MOB1B: variants seen among roughly 807,000 people sequenced by gnomAD.
The protein encoded by MOB1B is MOB1 Mps One Binder homolog B.
MOB1B carries 19 observed loss-of-function variants against 24.4 expected under a neutral mutation model. The observed-to-expected ratio is 0.78, with a 90% CI of 0.54 to 1.14. MOB1B has a LOEUF of 1.14. Ranked by LOEUF, MOB1B falls within the 50% of genes most tolerant of loss-of-function variation. The pLI, the probability that MOB1B is intolerant of heterozygous loss-of-function variation, is 0.00. For synonymous variants in MOB1B, 76 were observed against 82.1 expected (o/e 0.93, Z 0.40); for missense variants, 243 against 259.6 (o/e 0.94, Z 0.44).
rs193294378 is a variant in MOB1B, at chr4:70,988,110, A to T, written c.*6053A>T. ...AATTCTAGGTGTTTTTTTTTTTTTA[A>T]AGAAGAAACTCAATGTTTATAAGAA... On this transcript the variant is annotated 3_prime_UTR_variant, in exon 6 of 6. Transcript: ENST00000309395. 2 of 151,894 alleles carry T rather than the reference A, an allele frequency of 1.3e-5. No homozygotes were observed. The highest frequency in any genetic ancestry group is 2.9e-5 in the Non-Finnish European group (2 of 67,818). The allele number at this position is 151,894 out of a possible 1,614,324, so 9.4% of individuals were successfully genotyped here. A position where few individuals can be genotyped will look rare whatever the true frequency, so the allele number is the denominator to read the frequency against.
At chr4:70,942,819 G>T (rs1307741038) in intron 1 of MOB1B, 61 of 932,882 alleles carry the variant, frequency 6.5e-5, no homozygotes, top group Non-Finnish European at 7.2e-5. Flanking sequence ...TTTTTTGTCT[G>T]TAGAGAGAAG....
intron 1 of MOB1B, among the ~76,000 whole-genome samples, chr4:70,902,881 T>G (rs1163340482): frequency 6.6e-6 from 1 of 152,160 alleles, no homozygotes; most frequent in African/African-American, 2.4e-5. Flanking sequence ...GCGCTTCTCG[T>G]GGGTATCTCC....
chr4:70,978,622 T>C (rs1476349423), intron 4 of MOB1B, among the ~76,000 whole-genome samples: 1 of 152,216 alleles, frequency 6.6e-6, no homozygotes, highest in African/African-American at 2.4e-5. Flanking sequence ...AAAAGTGCTG[T>C]AATTTACAAA....
intron 1 of MOB1B, among the ~76,000 whole-genome samples, chr4:70,938,487 C>A (rs1010365106): frequency 1.1e-4 from 17 of 152,068 alleles, no homozygotes; most frequent in African/African-American, 3.9e-4. Context: ...TTGCCTGCAA[C>A]TATACCTGTG....
chr4:70,978,188 C>A (rs943107922), intron 4 of MOB1B, among the ~76,000 whole-genome samples: 1 of 152,144 alleles, frequency 6.6e-6, no homozygotes, highest in African/African-American at 2.4e-5. Context: ...CAATATTTTT[C>A]TTTTTGTGTC....
At chr4:70,957,990 A>G (rs937746394) in intron 1 of MOB1B, among the ~76,000 whole-genome samples, 1 of 151,922 alleles carries the variant, frequency 6.6e-6, no homozygotes, top group Non-Finnish European at 1.5e-5. Context: ...ATACACATAC[A>G]CATAGGCTGT....
At chr4:70,944,641 A>C (rs1014805210) in intron 1 of MOB1B, among the ~76,000 whole-genome samples, 1 of 152,180 alleles carries the variant, frequency 6.6e-6, no homozygotes, top group African/African-American at 2.4e-5. Context: ...TACAGGAAGC[A>C]TCGTGGCATC....
At chr4:70,972,008 CT>C (rs1253252504) in intron 3 of MOB1B, among the ~76,000 whole-genome samples, 57 of 143,564 alleles carry the variant, frequency 4.0e-4, no homozygotes, top group South Asian at 4.5e-4. Flanking sequence ...TCCTTTCTCC[CT>C]TTTTTTTTTT....
intron 1 of MOB1B, among the ~76,000 whole-genome samples, chr4:70,904,381 T>C (rs1735654507): frequency 6.6e-6 from 1 of 152,158 alleles, no homozygotes; most frequent in Non-Finnish European, 1.5e-5. Context: ...TTGATTGTTT[T>C]CAAGAATTTA....
chr4:70,937,801 C>T (rs1737145856), intron 1 of MOB1B, among the ~76,000 whole-genome samples: 1 of 152,192 alleles, frequency 6.6e-6, no homozygotes, highest in Non-Finnish European at 1.5e-5. Context: ...GCTGAGATTA[C>T]AGGCGTGAGC....
intron 1 of MOB1B, among the ~76,000 whole-genome samples, chr4:70,918,629 A>G (rs1736294292): frequency 1.3e-5 from 2 of 151,506 alleles, no homozygotes. Flanking sequence ...ATTTTCTCCC[A>G]TTTTGTAGGT....
intron 1 of MOB1B, among the ~76,000 whole-genome samples, chr4:70,929,714 T>C (rs1240587520): frequency 1.3e-5 from 2 of 151,734 alleles, no homozygotes; most frequent in African/African-American, 2.4e-5. Flanking sequence ...GGCGCGATCT[T>C]GGCTCACTGC....
chr4:70,972,829 A>G (rs1738814482), intron 3 of MOB1B, among the ~76,000 whole-genome samples: 1 of 152,158 alleles, frequency 6.6e-6, no homozygotes, highest in South Asian at 2.1e-4. Flanking sequence ...GCCGGAGTGC[A>G]GTGGCGCGAT....
chr4:70,905,687 A>G (rs1004316396), intron 1 of MOB1B, among the ~76,000 whole-genome samples: 1 of 152,164 alleles, frequency 6.6e-6, no homozygotes, highest in Non-Finnish European at 1.5e-5. Context: ...AATAAGGGCA[A>G]TGCAAGATGG....
chr4:70,957,744 C>T (rs967422258), intron 1 of MOB1B, among the ~76,000 whole-genome samples: 1 of 149,268 alleles, frequency 6.7e-6, no homozygotes, highest in Non-Finnish European at 1.5e-5. Flanking sequence ...ACACTCAGCT[C>T]CCTGCCTTAT....
chr4:70,949,203 T>C (rs1015513169), intron 1 of MOB1B, among the ~76,000 whole-genome samples: 1 of 152,204 alleles, frequency 6.6e-6, no homozygotes, highest in Non-Finnish European at 1.5e-5. Flanking sequence ...CAGATAGTGT[T>C]CTTTCTTTTT....
chr4:70,919,591 C>G lies in MOB1B; in HGVS notation c.14+17041C>G, dbSNP rs567128278. Among the ~76,000 whole-genome samples the G allele has an allele frequency of 5.3e-5, 8 of 152,150 alleles. No individual in the cohort carries two copies. The South Asian group carries it at 1.7e-3, about 32-fold the overall frequency. Reference sequence around the variant, plus strand: ...TCGGCTCACTGCAACCTCTGCCTCCCGGGTTCAAGTGACTCTCCTCCCTCA... The same window carrying G: ...TCGGCTCACTGCAACCTCTGCCTCCGGGGTTCAAGTGACTCTCCTCCCTCA... On this transcript the variant is annotated intron_variant, in intron 1 of 5. Transcript: ENST00000309395.
chr4:70,936,523 A>G (rs1737093717), intron 1 of MOB1B, among the ~76,000 whole-genome samples: 1 of 152,098 alleles, frequency 6.6e-6, no homozygotes, highest in Non-Finnish European at 1.5e-5. Context: ...ATCTTTTTGA[A>G]CAAACCTATG....
chr4:70,939,655 G>T (rs1243673818), intron 1 of MOB1B, among the ~76,000 whole-genome samples: 1 of 152,200 alleles, frequency 6.6e-6, no homozygotes, highest in African/African-American at 2.4e-5. Flanking sequence ...GTGTGCGGTC[G>T]GGGGTGTGGC....
Sources: allele counts gnomAD v4.1 joint callset (sites outside exome capture counted in the v4.1 genomes callset), GRCh38; gene constraint gnomAD v4.1.1; transcripts MANE v1.5; gene names NCBI Gene and HGNC (gene_info 2026-07-23, HGNC 2026-07-21).